The following NFIB variants were observed in gnomAD, a reference collection of about 807,000 sequenced individuals.
NFIB encodes the protein nuclear factor I B.
A neutral mutation model predicts 61.5 loss-of-function variants in NFIB; 11 were observed. The ratio of observed to expected loss-of-function variants is 0.18; its 90% CI spans 0.11 to 0.30. NFIB has a LOEUF of 0.30. NFIB is among the 10% of genes least tolerant of loss of function. NFIB has a pLI of 1.00. For synonymous variants in NFIB, 260 were observed against 216.5 expected (o/e 1.20, Z -1.76); for missense variants, 471 against 608.9 (o/e 0.77, Z 2.38).
intron 1 of NFIB, among the ~76,000 whole-genome samples, chr9:14,369,147 A>T (rs1488152970): frequency 1.3e-5 from 2 of 152,186 alleles, no homozygotes; most frequent in Non-Finnish European, 2.9e-5. Context: ...GCCTCAAAGC[A>T]GCTAAGCGAG....
intron 1 of NFIB, among the ~76,000 whole-genome samples, chr9:14,383,727 A>G (rs770843562): frequency 3.9e-5 from 6 of 152,248 alleles, no homozygotes; most frequent in Non-Finnish European, 7.3e-5. Flanking sequence ...TCATCATGGC[A>G]GAGAGCGTAC....
intron 3 of NFIB, among the ~76,000 whole-genome samples, chr9:14,168,339 C>A (rs985940927): frequency 6.6e-6 from 1 of 151,944 alleles, no homozygotes; most frequent in African/African-American, 2.4e-5. Context: ...GGAGTAGATG[C>A]GAAAATAGAG....
chr9:14,172,080 T>A (rs1002966901), intron 3 of NFIB, among the ~76,000 whole-genome samples: 1 of 152,146 alleles, frequency 6.6e-6, no homozygotes, highest in Admixed American at 6.5e-5. Flanking sequence ...TTCAGGAATA[T>A]GGAAGCAAGA....
chr9:14,181,300 T>G (rs961155875), intron 2 of NFIB, among the ~76,000 whole-genome samples: 2 of 152,198 alleles, frequency 1.3e-5, no homozygotes, highest in Non-Finnish European at 2.9e-5. Context: ...GCATATTTAG[T>G]GATTCCCACA....
intron 1 of NFIB, among the ~76,000 whole-genome samples, chr9:14,382,536 C>T (rs1358605697): frequency 6.6e-6 from 1 of 151,892 alleles, no homozygotes; most frequent in East Asian, 1.9e-4. Context: ...TGCAGCCTGG[C>T]TCAATAGGGA....
chr9:14,396,377 G>A (rs916349071), intron 1 of NFIB, among the ~76,000 whole-genome samples: 3 of 152,056 alleles, frequency 2.0e-5, no homozygotes, highest in Non-Finnish European at 2.9e-5. Context: ...CGACTGTGGC[G>A]CCTCTGTGCC....
In NFIB at chr9:14,085,500, T is replaced by C. The variant is rs1457626893; in HGVS notation, c.*2809A>G. ...TTAAAAAAATCCCATCAGCATCTAA[T>C]GGGTTTAATTCATCCACAGGAAGAT... On this transcript the variant is annotated 3_prime_UTR_variant, in exon 11 of 11. Coordinates refer to ENST00000380953, the MANE Select transcript of NFIB (RefSeq NM_001190737.2). 2 of 220,844 alleles carry C rather than the reference T, an allele frequency of 9.1e-6. No individual in the cohort carries two copies. Among genetic ancestry groups the C allele is most frequent in the Non-Finnish European group, 9.1e-6 (1 of 110,492 alleles). 13.7% of individuals were successfully genotyped at this position (220,844 alleles called of 1,614,324 possible).
At chr9:14,106,893 G>A (rs922596200) in intron 10 of NFIB, among the ~76,000 whole-genome samples, 2 of 152,040 alleles carry the variant, frequency 1.3e-5, no homozygotes, top group Admixed American at 6.6e-5. Flanking sequence ...CAGTTCCTAC[G>A]ATGACAACAA....
the NFIB span, among the ~76,000 whole-genome samples, chr9:14,472,272 G>C: frequency 6.6e-6 from 1 of 152,188 alleles, no homozygotes; most frequent in Non-Finnish European, 1.5e-5. Flanking sequence ...CTAGGTCCAA[G>C]TTATGGACGA....
At chr9:14,245,552 T>A (rs7030457) in intron 2 of NFIB, among the ~76,000 whole-genome samples, 1 of 151,832 alleles carries the variant, frequency 6.6e-6, no homozygotes, top group South Asian at 2.1e-4. Context: ...AAACACATGA[T>A]TATACTATAA....
intron 6 of NFIB, among the ~76,000 whole-genome samples, chr9:14,132,963 T>C (rs977987882): frequency 6.6e-6 from 1 of 152,184 alleles, no homozygotes; most frequent in Non-Finnish European, 1.5e-5. Flanking sequence ...GCAAAACTTC[T>C]GTTAACTTTG....
chr9:14,105,766 G>A (rs558554691), intron 10 of NFIB, among the ~76,000 whole-genome samples: 37 of 152,136 alleles, frequency 2.4e-4, no homozygotes, highest in African/African-American at 8.7e-4. Context: ...TATATTAAAA[G>A]GTTAATACTA....
upstream of NFIB, among the ~76,000 whole-genome samples, chr9:14,317,570 G>C (rs1178885437): frequency 6.6e-6 from 1 of 152,252 alleles, no homozygotes; most frequent in African/African-American, 2.4e-5. Flanking sequence ...TGAAGAGTGA[G>C]CAACAGAGAC....
At position 14,384,880 on chromosome 9, in the gene NFIB, T is replaced by A. The variant is rs7045346; in HGVS notation, c.108+13644A>T. On this transcript the variant is annotated intron_variant, in intron 1 of 8. Transcript: ENST00000380934. ...CAAGATTGTTTGATTGATTTTCACCTTCTCTTTTTCCTAAATCTTACTGTA... is the reference window on the plus strand; with the variant it reads ...CAAGATTGTTTGATTGATTTTCACCATCTCTTTTTCCTAAATCTTACTGTA... Among the ~76,000 whole-genome samples, 1,142 of 152,088 alleles carry A rather than the reference T, an allele frequency of 7.5e-3. 10 individuals are homozygous for A. The highest frequency in any genetic ancestry group is 0.012 in the Non-Finnish European group (797 of 67,992).
chr9:14,512,468 T>A, the NFIB span, among the ~76,000 whole-genome samples: 1 of 152,228 alleles, frequency 6.6e-6, no homozygotes, highest in Non-Finnish European at 1.5e-5. Context: ...TATCTTCGTA[T>A]TTCTAGGCAT....
rs1221076181 is a variant in NFIB at position 14,376,638 on chromosome 9, TC to T, written c.108+21885del. Among the ~76,000 whole-genome samples the T allele has an allele frequency of 5.2e-4, 79 of 151,444 alleles. 1 individual carries two copies. The highest frequency in any genetic ancestry group is 1.0e-4 in the Non-Finnish European group (7 of 67,908). On this transcript the variant is annotated intron_variant, in intron 1 of 8. Coordinates refer to the NFIB transcript ENST00000380934. Reference sequence around the variant, plus strand: ...TTCAAGTGATTCTCCTCCGTCAACCTCCCCAGTAGCTGGGATTACAGATGGA... The same window carrying T: ...TTCAAGTGATTCTCCTCCGTCAACCTCCCAGTAGCTGGGATTACAGATGGA...
intron 1 of NFIB, chr9:14,362,028 T>C (rs933128110): frequency 5.9e-5 from 9 of 152,268 alleles, no homozygotes; most frequent in African/African-American, 1.9e-4. Context: ...TGTTCTTTGA[T>C]GACAACTTTA....
chr9:14,220,988 C>T (rs988319274), intron 2 of NFIB, among the ~76,000 whole-genome samples: 10 of 151,960 alleles, frequency 6.6e-5, no homozygotes, highest in African/African-American at 2.4e-4. Context: ...CTCCCTCACC[C>T]GAAAAGTCTG....
intron 1 of NFIB, among the ~76,000 whole-genome samples, chr9:14,333,218 A>C (rs1382543859): frequency 6.6e-6 from 1 of 152,226 alleles, no homozygotes; most frequent in Non-Finnish European, 1.5e-5. Flanking sequence ...TGATCCTCCT[A>C]ATAATCCTAT....
Sources: allele counts gnomAD v4.1 joint callset (sites outside exome capture counted in the v4.1 genomes callset), GRCh38; gene constraint gnomAD v4.1.1; transcripts MANE v1.5; gene names NCBI Gene and HGNC (gene_info 2026-07-23, HGNC 2026-07-21).